SLC16A12: variants seen among roughly 807,000 people sequenced by gnomAD.
The protein encoded by SLC16A12 is monocarboxylate transporter 12.
A neutral mutation model predicts 42.4 loss-of-function variants in SLC16A12; 17 were observed. The ratio of observed to expected loss-of-function variants is 0.40; its 90% confidence interval spans 0.27 to 0.60. SLC16A12 has a LOEUF of 0.60. Ranked by LOEUF, SLC16A12 falls within the 20% of genes least tolerant of loss-of-function variation. The pLI, the probability that SLC16A12 is intolerant of heterozygous loss-of-function variation, is 0.42. For missense variants in SLC16A12, 544 were observed against 623.0 expected (o/e 0.87, Z 1.35); for synonymous variants, 224 against 229.4 (o/e 0.98, Z 0.21).
At chr10:89,444,593 T>C (rs903289528) in intron 3 of SLC16A12, among the ~76,000 whole-genome samples, 1 of 152,220 alleles carries the variant, frequency 6.6e-6, no homozygotes, top group Non-Finnish European at 1.5e-5. Flanking sequence ...GTTCATATAG[T>C]AGGAACTTAT....
At position 89,438,861 on chromosome 10, in the gene SLC16A12, A is replaced by C; in HGVS notation, c.771T>G (p.Ser257=). The C allele has an allele frequency of 6.2e-7, 1 of 1,614,202 alleles. No individual in the cohort carries two copies. Among genetic ancestry groups the C allele is most frequent in the Non-Finnish European group, 8.5e-7 (1 of 1,180,022 alleles). ...AAGTCTGTGCCCATTCTTTGGTCAAAGATGAATAGGGAGACACCCGCTTAA... is the reference window on the plus strand; with the variant it reads ...AAGTCTGTGCCCATTCTTTGGTCAACGATGAATAGGGAGACACCCGCTTAA... ...EDIKRVSPYS[S]LTKEWAQTCL... The change falls in exon 6 of 8, where the codon TCT becomes TCG. Residue 257 remains serine (S), a synonymous_variant. Transcript: ENST00000371790.
At chr10:89,506,696 C>T (rs1843067511) in intron 2 of SLC16A12, among the ~76,000 whole-genome samples, 1 of 152,032 alleles carries the variant, frequency 6.6e-6, no homozygotes, top group Admixed American at 6.6e-5. Flanking sequence ...TCCTCATCAG[C>T]AAGGGAACAA....
chr10:89,440,980 A>G (rs1315760862), intron 5 of SLC16A12, 128 bp downstream of exon 5: 18 of 1,130,682 alleles, frequency 1.6e-5, no homozygotes. Context: ...CTAGGTAGGT[A>G]GACATAAGCT....
At chr10:89,536,537 A>G (rs1371436258), upstream of SLC16A12, among the ~76,000 whole-genome samples, 1 of 151,906 alleles carries the variant, frequency 6.6e-6, no homozygotes, top group Non-Finnish European at 1.5e-5. Context: ...CAAAGCCTGA[A>G]AAGGGAGCTG....
At chr10:89,548,327 C>A (rs1305256393) in intron 2 of SLC16A12, among the ~76,000 whole-genome samples, 1 of 152,068 alleles carries the variant, frequency 6.6e-6, no homozygotes, top group Non-Finnish European at 1.5e-5. Flanking sequence ...CAATATTGAA[C>A]ACATGGATCT....
chr10:89,548,673 G>A (rs887799590), intron 2 of SLC16A12, among the ~76,000 whole-genome samples: 8 of 152,022 alleles, frequency 5.3e-5, no homozygotes, highest in Admixed American at 1.3e-4. Flanking sequence ...AAAATTAGCC[G>A]GGTGCAGTGC....
intron 2 of SLC16A12, among the ~76,000 whole-genome samples, chr10:89,555,489 ATATATACGTATATACGTATATATATG>A (rs1843804728): frequency 6.1e-5 from 9 of 147,028 alleles, no homozygotes; most frequent in African/African-American, 9.9e-5. Context: ...ATATATACGT[ATATATACGTATATACGTATATATATG>A]TATATATGTG....
intron 2 of SLC16A12, among the ~76,000 whole-genome samples, chr10:89,511,796 A>T (rs1157571106): frequency 6.6e-6 from 1 of 152,186 alleles, no homozygotes; most frequent in African/African-American, 2.4e-5. Context: ...ACAATCCAGC[A>T]ATTCCACTTT....
Position 89,505,246 on chromosome 10 carries a change from C to T in SLC16A12, c.-47+29255G>A, listed in dbSNP as rs566636263. 4.3e-4 allele frequency among the ~76,000 whole-genome samples: 65 copies of T among 152,070 alleles called. 2 individuals are homozygous for T. The South Asian group carries it at 0.014, about 32-fold the overall frequency. On this transcript the variant is annotated intron_variant, in intron 2 of 7. Transcript: ENST00000371790. ...CCTGGCTAACATGGTGAAACCCCAT[C>T]TCTACTAAAAATACAAAAAATTAGC...
chr10:89,462,244 T>G (rs1378437697), intron 3 of SLC16A12, 135 bp downstream of exon 3: 1 of 1,228,450 alleles, frequency 8.1e-7, no homozygotes, highest in African/African-American at 1.5e-5. Context: ...ACCTGAAGAG[T>G]CAACGGAAAT....
intron 2 of SLC16A12, among the ~76,000 whole-genome samples, chr10:89,533,290 G>A (rs1474138256): frequency 2.6e-5 from 4 of 151,874 alleles, no homozygotes; most frequent in Non-Finnish European, 5.9e-5. Context: ...ACCTGCCTAA[G>A]AAATCCTGGA....
At chr10:89,462,869 T>A (rs930072989) in intron 2 of SLC16A12, 3 of 342,398 alleles carry the variant, frequency 8.8e-6, no homozygotes, top group African/African-American at 6.5e-5. Context: ...TTCCCTAGCC[T>A]CTCTTGAAGG....
chr10:89,540,892 CA>C (rs1422460853), intron 2 of SLC16A12, among the ~76,000 whole-genome samples: 2 of 151,344 alleles, frequency 1.3e-5, no homozygotes, highest in Non-Finnish European at 2.9e-5. Flanking sequence ...CACTTCTTAC[CA>C]AGACAAACTA....
At chr10:89,556,274 T>A (rs1191975557) in intron 1 of SLC16A12, among the ~76,000 whole-genome samples, 1 of 152,174 alleles carries the variant, frequency 6.6e-6, no homozygotes, top group Non-Finnish European at 1.5e-5. Flanking sequence ...GTGAGGGAAC[T>A]GTGTGACTCA....
intron 2 of SLC16A12, among the ~76,000 whole-genome samples, chr10:89,550,082 C>T (rs1433157931): frequency 6.6e-6 from 1 of 152,078 alleles, no homozygotes; most frequent in Admixed American, 6.6e-5. Context: ...CAATATCCAC[C>T]CCTTTTTTTC....
intron 2 of SLC16A12, among the ~76,000 whole-genome samples, chr10:89,549,735 T>G (rs184350244): frequency 4.6e-4 from 70 of 152,310 alleles, no homozygotes; most frequent in African/African-American, 1.6e-3. Flanking sequence ...AGACACACCT[T>G]TATTAGCCAT....
rs552369159 is a variant in SLC16A12, at chr10:89,508,850, A to G, written c.-47+25651T>C. ...CTGCTAGCCAGACTAATAAAGAAGA[A>G]AAGAGACAAGAATCAAATAGACAGA... On this transcript the variant is annotated intron_variant, in intron 2 of 7. Transcript: ENST00000371790. 7.2e-5 allele frequency among the ~76,000 whole-genome samples: 11 copies of G among 152,334 alleles called. No homozygotes were observed. The South Asian group carries it at 1.7e-3, about 23-fold the overall frequency.
chr10:89,509,909 CA>C (rs1434043466), intron 2 of SLC16A12, among the ~76,000 whole-genome samples: 1 of 152,174 alleles, frequency 6.6e-6, no homozygotes, highest in Non-Finnish European at 1.5e-5. Flanking sequence ...GATACAAAAT[CA>C]GTGTGCAAAA....
At chr10:89,468,893 G>T (rs1842450334) in intron 2 of SLC16A12, among the ~76,000 whole-genome samples, 1 of 152,152 alleles carries the variant, frequency 6.6e-6, no homozygotes, top group Admixed American at 6.5e-5. Context: ...ACTTTTGGAG[G>T]CCAAGGTGGG....
Sources: gnomAD v4.1 joint callset for allele counts (sites outside exome capture counted in the v4.1 genomes callset) on GRCh38, gnomAD v4.1.1 for gene constraint, MANE v1.5 for transcripts, NCBI Gene and HGNC (gene_info 2026-07-23, HGNC 2026-07-21) for gene names.